The following CPA6 variants were observed in gnomAD, a reference collection of about 807,000 sequenced individuals.
CPA6 encodes the protein carboxypeptidase A6.
A neutral mutation model predicts 63.3 loss-of-function variants in CPA6; 58 were observed. The ratio of observed to expected loss-of-function variants is 0.92; its 90% confidence interval spans 0.74 to 1.14. The LOEUF is 1.14. CPA6 is among the 50% of genes most tolerant of loss of function. CPA6 has a pLI of 0.00. For synonymous variants in CPA6, 185 were observed against 179.0 expected, an observed-to-expected ratio of 1.03 and a Z score of -0.27; for missense variants, 565 against 526.6, an observed-to-expected ratio of 1.07 and a Z score of -0.71.
At chr8:67,594,391 T>C (rs550630262) in intron 2 of CPA6, among the ~76,000 whole-genome samples, 255 of 152,282 alleles carry the variant, frequency 1.7e-3, no homozygotes, top group African/African-American at 5.9e-3. Flanking sequence ...GGAGTATCTT[T>C]GCGGCGTTCT....
chr8:67,600,233 C>T (rs566969762), intron 2 of CPA6, among the ~76,000 whole-genome samples: 8 of 151,492 alleles, frequency 5.3e-5, no homozygotes, highest in African/African-American at 1.7e-4. Context: ...TCCTGGAGGA[C>T]GTTATATTAA....
chr8:67,535,680 CT>C (rs1337139240), intron 2 of CPA6, among the ~76,000 whole-genome samples: 3 of 152,090 alleles, frequency 2.0e-5, no homozygotes, highest in African/African-American at 7.2e-5. Flanking sequence ...ATGATAGTTT[CT>C]TTTGCTGTGC....
At chr8:67,445,627 G>A (rs1480562885) in intron 8 of CPA6, among the ~76,000 whole-genome samples, 1 of 152,144 alleles carries the variant, frequency 6.6e-6, no homozygotes, top group Non-Finnish European at 1.5e-5. Flanking sequence ...AAATAAGGAT[G>A]AGAAAGATAG....
At position 67,651,943 on chromosome 8, in the gene CPA6, C is replaced by A. The variant is rs373936920; in HGVS notation, c.117-27692G>T. 6.6e-5 allele frequency among the ~76,000 whole-genome samples: 10 copies of A among 151,734 alleles called. 1 individual carries two copies. The highest frequency in any genetic ancestry group is 2.6e-4 in the Admixed American group (4 of 15,220). ...GAGTGTGATGTTCCCCTACCTGTGTCCATGTGTTCTCATTGTTCAATTCCC... is the reference window on the plus strand; with the variant it reads ...GAGTGTGATGTTCCCCTACCTGTGTACATGTGTTCTCATTGTTCAATTCCC... On this transcript the variant is annotated intron_variant, in intron 1 of 10. Coordinates refer to ENST00000297770, the MANE Select transcript of CPA6 (RefSeq NM_020361.5).
At chr8:67,444,066 A>T (rs910929779) in intron 8 of CPA6, among the ~76,000 whole-genome samples, 1 of 148,650 alleles carries the variant, frequency 6.7e-6, no homozygotes, top group Non-Finnish European at 1.5e-5. Context: ...ATCTCGGCTC[A>T]CTGCAAGCTC....
At chr8:67,550,227 A>G (rs1333902748) in intron 2 of CPA6, among the ~76,000 whole-genome samples, 1 of 151,868 alleles carries the variant, frequency 6.6e-6, no homozygotes, top group Non-Finnish European at 1.5e-5. Context: ...CCCAGTGTCC[A>G]TTGTTGTCAT....
At chr8:67,717,189 G>A (rs190981095) in intron 1 of CPA6, among the ~76,000 whole-genome samples, 30 of 152,244 alleles carry the variant, frequency 2.0e-4, no homozygotes, top group Admixed American at 1.4e-3. Context: ...GGGAATAGCC[G>A]GGACTTTGAA....
chr8:67,652,688 T>C (rs1815876937), intron 1 of CPA6, among the ~76,000 whole-genome samples: 1 of 150,744 alleles, frequency 6.6e-6, no homozygotes. Flanking sequence ...ATTTTGTAGG[T>C]TGCCTGTTCA....
At chr8:67,663,413 T>A (rs1283290356) in intron 1 of CPA6, among the ~76,000 whole-genome samples, 1 of 152,122 alleles carries the variant, frequency 6.6e-6, no homozygotes, top group African/African-American at 2.4e-5. Flanking sequence ...GATGTGCAGG[T>A]TTGTTACATA....
At position 67,484,761 on chromosome 8, in the gene CPA6, G is replaced by A. The variant is rs1286752731; in HGVS notation, c.665C>T (p.Ala222Val). 12 of 1,607,444 alleles carry A rather than the reference G, an allele frequency of 7.5e-6. No individual in the cohort carries two copies. Among genetic ancestry groups the A allele is most frequent in the African/African-American group, 4.0e-5 (3 of 74,890 alleles). The change falls in exon 7 of 11, where the codon GCC (alanine) becomes GTC (valine). Residue 222 changes from alanine to valine, a missense_variant. Coordinates refer to ENST00000297770, the MANE Select transcript of CPA6 (RefSeq NM_020361.5). ...EALLTYKSDP[A>V]MRKMLNHLYF... ...TAGATGATTCAACATTTTTCTCATGGCTGGGTCACTCTTATATGTTAGAAG... is the reference window on the plus strand; with the variant it reads ...TAGATGATTCAACATTTTTCTCATGACTGGGTCACTCTTATATGTTAGAAG...
At chr8:67,717,716 ATAAAGT>A (rs1483008970) in intron 1 of CPA6, among the ~76,000 whole-genome samples, 1 of 152,208 alleles carries the variant, frequency 6.6e-6, no homozygotes, top group Non-Finnish European at 1.5e-5. Flanking sequence ...TGCAGATGTG[ATAAAGT>A]TAAGGATTTT....
At chr8:67,690,113 A>G (rs997732088) in intron 1 of CPA6, among the ~76,000 whole-genome samples, 8 of 151,938 alleles carry the variant, frequency 5.3e-5, no homozygotes, top group African/African-American at 1.9e-4. Context: ...CCTACTTTTT[A>G]ATAGGGTTAT....
intron 8 of CPA6, among the ~76,000 whole-genome samples, chr8:67,461,202 C>G (rs897300157): frequency 2.7e-4 from 39 of 142,186 alleles, no homozygotes; most frequent in African/African-American, 9.6e-4. Context: ...GGCAGAGGAC[C>G]CTGCGGCCTT....
chr8:67,597,922 G>T (rs945479701), intron 2 of CPA6, among the ~76,000 whole-genome samples: 1 of 152,186 alleles, frequency 6.6e-6, no homozygotes, highest in Non-Finnish European at 1.5e-5. Context: ...GAAATAATTT[G>T]AGACCTACAA....
intron 8 of CPA6, among the ~76,000 whole-genome samples, chr8:67,434,677 A>G (rs1810106634): frequency 6.6e-6 from 1 of 152,332 alleles, no homozygotes; most frequent in African/African-American, 2.4e-5. Context: ...TCGCTTGGCA[A>G]CAACACAAGT....
intron 1 of CPA6, among the ~76,000 whole-genome samples, chr8:67,726,028 C>T (rs200554522): frequency 6.6e-6 from 1 of 152,168 alleles, no homozygotes; most frequent in South Asian, 2.1e-4. Context: ...GATTTTTCAA[C>T]ATTCCTTAAC....
chr8:67,606,380 T>C (rs1004995094), intron 2 of CPA6, among the ~76,000 whole-genome samples: 6 of 152,178 alleles, frequency 3.9e-5, no homozygotes, highest in African/African-American at 1.4e-4. Context: ...AATTCCATTT[T>C]TGATGACTAG....
intron 8 of CPA6, among the ~76,000 whole-genome samples, chr8:67,473,839 T>C (rs1238959180): frequency 6.6e-6 from 1 of 152,046 alleles, no homozygotes; most frequent in Non-Finnish European, 1.5e-5. Context: ...AATCCCGGGC[T>C]CAGGTGATCT....
intron 2 of CPA6, among the ~76,000 whole-genome samples, chr8:67,549,404 G>A (rs1319920778): frequency 6.6e-6 from 1 of 152,152 alleles, no homozygotes; most frequent in Non-Finnish European, 1.5e-5. Context: ...GTATACATCT[G>A]TGAAACCATC....
Sources: gnomAD v4.1 joint callset for allele counts (sites outside exome capture counted in the v4.1 genomes callset) on GRCh38, gnomAD v4.1.1 for gene constraint, MANE v1.5 for transcripts, NCBI Gene and HGNC (gene_info 2026-07-23, HGNC 2026-07-21) for gene names.